MCM6: variants seen among roughly 807,000 people sequenced by gnomAD.
The protein encoded by MCM6 is minichromosome maintenance complex component 6.
MCM6 carries 46 observed loss-of-function variants against 94.3 expected under a neutral mutation model. That is an observed-to-expected ratio of 0.49 (90% CI 0.39 to 0.62). MCM6 has a LOEUF of 0.62. MCM6 is among the 20% of genes least tolerant of loss of function. The probability of loss-of-function intolerance (pLI) is 0.00; values close to 1 mark genes in which losing one functional copy is unlikely to be tolerated. For missense variants in MCM6, 865 were observed against 1,017.9 expected (o/e 0.85, Z 2.04); for synonymous variants, 335 against 351.9 (o/e 0.95, Z 0.54).
chr2:135,863,758 A>AAACAAAACAG, intron 7 of MCM6, among the ~76,000 whole-genome samples: 1 of 121,560 alleles, frequency 8.2e-6, no homozygotes, highest in African/African-American at 2.9e-5. Flanking sequence ...AAACAAAACA[A>AAACAAAACAG]AACAGGTAGA....
At position 135,862,725 on chromosome 2, in the gene MCM6, C is replaced by T; in HGVS notation, c.1102G>A (p.Val368Ile). ...ACGCCACCAAAGAGCATCAGCAGGA[C>T]ACCCCGTTTTACTTCATCATTGCCT... ...IHGNDEVKRG[V>I]LLMLFGGVPK... Residue 368 changes from valine (V) to isoleucine (I), a missense_variant, in exon 8 of 17, where the codon GTC (valine) becomes ATC (isoleucine). Transcript: ENST00000264156. The T allele has an allele frequency of 6.2e-7, 1 of 1,614,180 alleles. No individual in the cohort carries two copies. Among genetic ancestry groups the T allele is most frequent in the Non-Finnish European group, 8.5e-7 (1 of 1,180,030 alleles).
rs1575357791 is a variant in MCM6 at position 135,846,088 on chromosome 2, C to A, written c.2209+149G>T. On this transcript the variant is annotated intron_variant, in intron 15 of 16. Coordinates refer to ENST00000264156, the MANE Select transcript of MCM6 (RefSeq NM_005915.6). ...TCAGGCTGGCAGGTATGCTGATACT[C>A]CACAAATTTACTTTGCTAAAGTGAG... 4 of 706,902 alleles carry A rather than the reference C, an allele frequency of 5.7e-6. No homozygotes were observed. In the South Asian group the frequency reaches 6.7e-5, roughly 12 times the overall value. 43.8% of individuals were successfully genotyped at this position (706,902 alleles called of 1,614,324 possible).
rs754390262 is a variant in MCM6, at chr2:135,868,787, C to T, written c.439G>A (p.Val147Ile). The T allele has an allele frequency of 6.2e-7, 1 of 1,614,202 alleles. No individual in the cohort carries two copies. Among genetic ancestry groups the T allele is most frequent in the Non-Finnish European group, 8.5e-7 (1 of 1,180,044 alleles). ...ISGQVVRTHPVHPELVSGTFL... is the reference protein window; with the variant it reads ...ISGQVVRTHPIHPELVSGTFL... Reference sequence around the variant, plus strand: ...GTTCCGCTCACAAGCTCTGGGTGAACTGGGTGAGTCCGCACCACCTGCCCA... The same window carrying T: ...GTTCCGCTCACAAGCTCTGGGTGAATTGGGTGAGTCCGCACCACCTGCCCA... Residue 147 changes from valine to isoleucine, a missense_variant, in exon 4 of 17, where the codon GTT becomes ATT. Around this residue, in one of 3 missense-constraint regions of MCM6, gnomAD observed 404 missense variants for 451.9 expected, o/e 0.89. Transcript: ENST00000264156.
chr2:135,848,031 G>A (rs763678149), intron 14 of MCM6, 22 bp downstream of exon 14: 7 of 1,584,870 alleles, frequency 4.4e-6, no homozygotes, highest in Non-Finnish European at 6.0e-6. Context: ...CTCCAAAACA[G>A]TCACATGAAC....
At chr2:135,858,177 G>A (rs945833913) in intron 9 of MCM6, among the ~76,000 whole-genome samples, 173 bp from the exon 10 acceptor site, 1 of 152,112 alleles carries the variant, frequency 6.6e-6, no homozygotes, top group Non-Finnish European at 1.5e-5. Context: ...AGGTGACAGA[G>A]TGAGACCCTG....
intron 4 of MCM6, among the ~76,000 whole-genome samples, chr2:135,868,043 A>G (rs1280223091): frequency 4.6e-5 from 7 of 151,952 alleles, no homozygotes; most frequent in African/African-American, 1.7e-4. Flanking sequence ...ACAAAAAACA[A>G]AACAAAACAA....
intron 10 of MCM6, 96 bp from the exon 11 acceptor site, chr2:135,856,979 C>T: frequency 8.8e-7 from 1 of 1,131,626 alleles, no homozygotes; most frequent in Non-Finnish European, 1.2e-6. Flanking sequence ...TAACTAAACA[C>T]AAACCAAAAT....
At chr2:135,869,049 T>C (rs781248503) in intron 3 of MCM6, among the ~76,000 whole-genome samples, 189 bp from the exon 4 acceptor site, 1 of 152,158 alleles carries the variant, frequency 6.6e-6, no homozygotes, top group Non-Finnish European at 1.5e-5. Context: ...GACGTATATG[T>C]ATCCAGAACA....
chr2:135,860,517 C>G (rs976817399), intron 8 of MCM6, among the ~76,000 whole-genome samples: 4 of 152,056 alleles, frequency 2.6e-5, no homozygotes, highest in Non-Finnish European at 5.9e-5. Context: ...AAAAATAAAA[C>G]AAAACAAAAC....
chr2:135,867,920 G>C (rs553598792), intron 4 of MCM6, among the ~76,000 whole-genome samples: 1 of 151,994 alleles, frequency 6.6e-6, no homozygotes, highest in Non-Finnish European at 1.5e-5. Flanking sequence ...CCAGCTACTC[G>C]GGAGGCTGAG....
intron 10 of MCM6, among the ~76,000 whole-genome samples, chr2:135,857,182 C>G (rs1313732665): frequency 1.3e-5 from 2 of 152,070 alleles, no homozygotes; most frequent in Non-Finnish European, 2.9e-5. Flanking sequence ...TGTCACTCAA[C>G]AGGAGTCTAA....
intron 7 of MCM6, among the ~76,000 whole-genome samples, chr2:135,864,035 C>T (rs371493217): frequency 2.0e-4 from 30 of 151,354 alleles, no homozygotes; most frequent in Admixed American, 5.3e-4. Context: ...CGCTTGAACC[C>T]GGGAGGCAGA....
chr2:135,841,051 T>C (rs1462569336), intron 16 of MCM6, 100 bp from the exon 17 acceptor site: 5 of 817,496 alleles, frequency 6.1e-6, no homozygotes, highest in East Asian at 2.5e-5. Context: ...GCTATCAACA[T>C]TTTCTTTCAT....
chr2:135,872,926 T>G, intron 1 of MCM6, 83 bp from the exon 2 acceptor site: 1 of 1,513,986 alleles, frequency 6.6e-7, no homozygotes, highest in African/African-American at 1.4e-5. Context: ...TTGGTTAAAG[T>G]CCAACAACTA....
At chr2:135,874,036 GAAGAATTTGA>G (rs914581562) in intron 1 of MCM6, among the ~76,000 whole-genome samples, 2 of 152,200 alleles carry the variant, frequency 1.3e-5, no homozygotes, top group Admixed American at 6.5e-5. Flanking sequence ...GAGGAGTGAT[GAAGAATTTGA>G]ACTTTATTCC....
At chr2:135,873,275 C>T (rs1450441807) in intron 1 of MCM6, among the ~76,000 whole-genome samples, 2 of 152,202 alleles carry the variant, frequency 1.3e-5, no homozygotes, top group Non-Finnish European at 2.9e-5. Context: ...AACCCAACAA[C>T]TAACTCTTCT....
At chr2:135,862,869 T>C (rs1470729068) in intron 7 of MCM6, 121 bp from the exon 8 acceptor site, 2 of 998,776 alleles carry the variant, frequency 2.0e-6, no homozygotes, top group Non-Finnish European at 3.0e-6. Context: ...AAGCAAAGCA[T>C]AAAACTGGAG....
At chr2:135,875,570 ACCGGTGGGTGAGGCAAG>A (rs1680279297) in intron 1 of MCM6, among the ~76,000 whole-genome samples, 1 of 152,170 alleles carries the variant, frequency 6.6e-6, no homozygotes, top group African/African-American at 2.4e-5. Context: ...AGGAAAAATA[ACCGGTGGGTGAGGCAAG>A]CCAGGGAGGA....
At chr2:135,863,932 G>A (rs980566635) in intron 7 of MCM6, among the ~76,000 whole-genome samples, 1 of 152,052 alleles carries the variant, frequency 6.6e-6, no homozygotes, top group Non-Finnish European at 1.5e-5. Context: ...CCAACATGGC[G>A]AAACACCATC....
Sources: allele counts gnomAD v4.1 joint callset (sites outside exome capture counted in the v4.1 genomes callset), GRCh38; gene constraint gnomAD v4.1.1; regional missense constraint gnomAD v4.1.1; transcripts MANE v1.5; gene names NCBI Gene and HGNC (gene_info 2026-07-23, HGNC 2026-07-21).